The following ARHGAP15 variants were observed in gnomAD, a reference collection of about 807,000 sequenced individuals.
The protein encoded by ARHGAP15 is Rho GTPase activating protein 15, also known as rho GTPase-activating protein 15.
In ARHGAP15, 51 loss-of-function variants were observed where a neutral mutation model predicts 63.7. That is an observed-to-expected ratio of 0.80 (90% CI 0.64 to 1.01). The LOEUF (loss-of-function observed/expected upper bound fraction) is 1.01. Among genes scored for constraint, ARHGAP15 ranks in the 50% least tolerant of loss-of-function variants. ARHGAP15 has a pLI of 0.00. For synonymous variants in ARHGAP15, 191 were observed against 193.8 expected (o/e 0.99, Z 0.12); for missense variants, 560 against 564.6 (o/e 0.99, Z 0.08).
intron 11 of ARHGAP15, among the ~76,000 whole-genome samples, chr2:143,565,191 T>C (rs188097684): frequency 1.3e-5 from 2 of 152,256 alleles, no homozygotes; most frequent in East Asian, 3.9e-4. Context: ...TGGATTCAAT[T>C]TACCATGGGG....
At chr2:143,338,021 A>G (rs887804515) in intron 6 of ARHGAP15, among the ~76,000 whole-genome samples, 4 of 152,202 alleles carry the variant, frequency 2.6e-5, no homozygotes, top group Non-Finnish European at 5.9e-5. Flanking sequence ...GTCTAGTAAC[A>G]ATAATAAACA....
At chr2:143,156,458 G>C (rs1164585096) in intron 2 of ARHGAP15, among the ~76,000 whole-genome samples, 1 of 151,914 alleles carries the variant, frequency 6.6e-6, no homozygotes, top group Admixed American at 6.6e-5. Flanking sequence ...AAATAGGTTA[G>C]CTGGGGACAG....
intron 6 of ARHGAP15, among the ~76,000 whole-genome samples, chr2:143,369,388 T>G (rs541001276): frequency 6.6e-6 from 1 of 152,236 alleles, no homozygotes; most frequent in Admixed American, 6.5e-5. Context: ...GCAAATTATA[T>G]AAAATATATT....
At chr2:143,563,230 G>C (rs1396856389) in intron 11 of ARHGAP15, among the ~76,000 whole-genome samples, 3 of 152,184 alleles carry the variant, frequency 2.0e-5, no homozygotes, top group Non-Finnish European at 4.4e-5. Context: ...CCAGGGGATA[G>C]TTATTATTAA....
intron 12 of ARHGAP15, among the ~76,000 whole-genome samples, chr2:143,626,998 C>T (rs1319398585): frequency 6.6e-6 from 1 of 152,096 alleles, no homozygotes; most frequent in African/African-American, 2.4e-5. Flanking sequence ...GTAAAAGAAG[C>T]CCAAGAGAAA....
At chr2:143,202,258 A>G in intron 3 of ARHGAP15, 56 bp downstream of exon 3, 1 of 1,414,258 alleles carries the variant, frequency 7.1e-7, no homozygotes, top group Non-Finnish European at 1.0e-6. Flanking sequence ...AATTGCCACA[A>G]AACTCAGCAA....
At chr2:143,315,834 C>T (rs1313845503) in intron 6 of ARHGAP15, among the ~76,000 whole-genome samples, 1 of 152,010 alleles carries the variant, frequency 6.6e-6, no homozygotes, top group African/African-American at 2.4e-5. Flanking sequence ...CCTGTAATCC[C>T]AGCACTTTGG....
At chr2:143,668,333 A>G (rs1485457410) in intron 12 of ARHGAP15, among the ~76,000 whole-genome samples, 1 of 151,758 alleles carries the variant, frequency 6.6e-6, no homozygotes, top group Non-Finnish European at 1.5e-5. Context: ...TACAGAGCAA[A>G]GTTAGGCGGC....
At chr2:143,236,256 A>T (rs1337041540) in intron 5 of ARHGAP15, 1 of 270,680 alleles carries the variant, frequency 3.7e-6, no homozygotes, top group Non-Finnish European at 6.8e-6. Flanking sequence ...TAGGTTTATT[A>T]TAATAAAACC....
chr2:143,540,772 G>T (rs555077926), intron 10 of ARHGAP15, among the ~76,000 whole-genome samples: 2 of 152,250 alleles, frequency 1.3e-5, no homozygotes, highest in South Asian at 4.2e-4. Context: ...GCTTCCCTTT[G>T]TGGTTAACCT....
chr2:143,302,901 C>T (rs1246714778), intron 6 of ARHGAP15, among the ~76,000 whole-genome samples: 2 of 151,636 alleles, frequency 1.3e-5, no homozygotes, highest in Non-Finnish European at 2.9e-5. Context: ...AATTCTGCTC[C>T]TCTGTAAATA....
rs530484897 is a variant in ARHGAP15, at chr2:143,169,199, CA to C, written c.165+13550del. ...GAAAATTTGTATTTGTGACATGTCT[CA>C]AAAAATCAGAAATTCTGGCATCTGG... is the stretch of plus-strand genomic sequence containing the variant. On this transcript the variant is annotated intron_variant, in intron 2 of 13. Coordinates refer to ENST00000295095, the MANE Select transcript of ARHGAP15 (RefSeq NM_018460.4). 3.6e-3 allele frequency among the ~76,000 whole-genome samples: 541 copies of C among 152,096 alleles called. 5 individuals carry two copies. Among genetic ancestry groups the C allele is most frequent in the African/African-American group, 0.012 (515 of 41,540 alleles).
chr2:143,622,512 G>A (rs1023206124), intron 11 of ARHGAP15, among the ~76,000 whole-genome samples: 4 of 151,866 alleles, frequency 2.6e-5, no homozygotes, highest in Non-Finnish European at 5.9e-5. Flanking sequence ...AGATGCTGTC[G>A]GCCTATTTCA....
chr2:143,640,138 T>A (rs1680535551), intron 12 of ARHGAP15, among the ~76,000 whole-genome samples: 1 of 152,126 alleles, frequency 6.6e-6, no homozygotes, highest in South Asian at 2.1e-4. Flanking sequence ...CATAAACTTC[T>A]CTGGAGTAGG....
At chr2:143,527,114 A>T (rs1694311987) in intron 10 of ARHGAP15, among the ~76,000 whole-genome samples, 1 of 152,126 alleles carries the variant, frequency 6.6e-6, no homozygotes, top group Non-Finnish European at 1.5e-5. Flanking sequence ...TTTATACCAA[A>T]AAAAATGACA....
intron 8 of ARHGAP15, among the ~76,000 whole-genome samples, chr2:143,469,232 T>C (rs1200061793): frequency 6.6e-6 from 1 of 152,020 alleles, no homozygotes; most frequent in Admixed American, 6.6e-5. Context: ...TGGGTATAAA[T>C]ATAATTATGG....
At chr2:143,304,117 G>A (rs1683052858) in intron 6 of ARHGAP15, among the ~76,000 whole-genome samples, 1 of 152,028 alleles carries the variant, frequency 6.6e-6, no homozygotes, top group Non-Finnish European at 1.5e-5. Context: ...TATACTTAAA[G>A]GATTATAAAT....
At chr2:143,517,762 A>G (rs572280131) in intron 9 of ARHGAP15, among the ~76,000 whole-genome samples, 1 of 152,344 alleles carries the variant, frequency 6.6e-6, no homozygotes, top group East Asian at 1.9e-4. Context: ...AAAGGCTGGT[A>G]GGAAAGGCTG....
intron 8 of ARHGAP15, among the ~76,000 whole-genome samples, chr2:143,454,132 C>G (rs1461408015): frequency 6.6e-6 from 1 of 151,996 alleles, no homozygotes; most frequent in Non-Finnish European, 1.5e-5. Flanking sequence ...TAATCACCGT[C>G]ATTGAGAGGC....
Sources: gnomAD v4.1 joint callset for allele counts (sites outside exome capture counted in the v4.1 genomes callset) on GRCh38, gnomAD v4.1.1 for gene constraint, MANE v1.5 for transcripts, NCBI Gene and HGNC (gene_info 2026-07-23, HGNC 2026-07-21) for gene names.